The following MTMR10 variants were observed in gnomAD, a reference collection of about 807,000 sequenced individuals.
MTMR10 encodes myotubularin related protein 10, also known as myotubularin-related protein 10.
MTMR10 carries 56 observed loss-of-function variants against 88.1 expected under a neutral mutation model. That is an observed-to-expected ratio of 0.64 (90% CI 0.51 to 0.79). The LOEUF (loss-of-function observed/expected upper bound fraction) is 0.79, where lower values mean the gene tolerates loss of function less well. MTMR10 is among the 30% of genes least tolerant of loss of function. The pLI is 0.00. For missense variants in MTMR10, 883 were observed against 924.7 expected, an observed-to-expected ratio of 0.95 and a Z score of 0.58; for synonymous variants, 380 against 340.9, an observed-to-expected ratio of 1.11 and a Z score of -1.26.
intron 9 of MTMR10, among the ~76,000 whole-genome samples, chr15:30,956,994 A>G (rs1232829793): frequency 2.6e-5 from 4 of 152,144 alleles, no homozygotes; most frequent in Admixed American, 6.5e-5. Context: ...TTTCCAGAAA[A>G]CTGAAGGTCA....
At chr15:30,942,377 C>G in intron 15 of MTMR10, 1 of 390,598 alleles carries the variant, frequency 2.6e-6, no homozygotes, top group Non-Finnish European at 4.6e-6. Context: ...TAGACCTGGC[C>G]GATTCTATCA....
chr15:30,940,351 G>A lies in MTMR10; in HGVS notation c.*1119C>T. The A allele has an allele frequency of 1.0e-6, 1 of 985,400 alleles. No homozygotes were observed. The highest frequency in any genetic ancestry group is 1.7e-5 in the African/African-American group (1 of 57,356). 61.0% of individuals were successfully genotyped at this position (985,400 alleles called of 1,614,324 possible). A position where few individuals can be genotyped will look rare whatever the true frequency, so the allele number is the denominator to read the frequency against. Reference sequence around the variant, plus strand: ...CTCCTCAACTTTGCTGTCCAAAGTTGGGGGCTGGGGGAGCACTTCTGTCGC... The same window carrying A: ...CTCCTCAACTTTGCTGTCCAAAGTTAGGGGCTGGGGGAGCACTTCTGTCGC... On this transcript the variant is annotated 3_prime_UTR_variant, in exon 16 of 16. Transcript: ENST00000435680.
chr15:30,926,064 G>C, the MTMR10 span: 1 of 967,942 alleles, frequency 1.0e-6, no homozygotes, highest in Non-Finnish European at 1.6e-6. Context: ...AGATGCTGTG[G>C]GCTGGGGGAT....
chr15:30,957,990 G>T (rs1016960884), intron 9 of MTMR10, among the ~76,000 whole-genome samples: 2 of 152,186 alleles, frequency 1.3e-5, no homozygotes, highest in Admixed American at 1.3e-4. Flanking sequence ...ATTGGTGATG[G>T]GGAAGGGAAA....
chr15:30,941,718 G>A lies in MTMR10; in HGVS notation c.2086C>T (p.Leu696=). ...ADEVDVLSRM[L]RQQRSGPLEA... is the part of the protein sequence containing the mutation. ...AGGGGGCCACTGCGCTGTTGCCGCAGCATCCTGCTCAGTACGTCGACTTCA... is the reference window on the plus strand; with the variant it reads ...AGGGGGCCACTGCGCTGTTGCCGCAACATCCTGCTCAGTACGTCGACTTCA... Residue 696 remains leucine (L), a synonymous_variant, in exon 16 of 16, where the codon CTG becomes TTG. Transcript: ENST00000435680. 1 of 1,613,908 alleles carries A rather than the reference G, an allele frequency of 6.2e-7. No individual in the cohort carries two copies. The highest frequency in any genetic ancestry group is 8.5e-7 in the Non-Finnish European group (1 of 1,179,852).
downstream of MTMR10, among the ~76,000 whole-genome samples, chr15:30,936,561 A>C (rs754162986): frequency 6.6e-6 from 1 of 152,222 alleles, no homozygotes; most frequent in Admixed American, 6.5e-5. Context: ...TACAGAATAG[A>C]AGAATTTCTG....
chr15:30,945,940 C>T lies in MTMR10; in HGVS notation c.1548+1190G>A, dbSNP rs955736994. On this transcript the variant is annotated intron_variant, in intron 14 of 15. Transcript: ENST00000435680. ...AGTAGCTGGGACCACAGGTGCGCAC[C>T]ACCATGTCTGGCTAATTTTTGTATT... Among the ~76,000 whole-genome samples the T allele has an allele frequency of 3.0e-4, 46 of 152,208 alleles. 1 individual carries two copies. The highest frequency in any genetic ancestry group is 2.9e-3 in the Admixed American group (44 of 15,274).
chr15:30,953,347 C>T (rs1039695996), intron 11 of MTMR10, among the ~76,000 whole-genome samples: 2 of 152,066 alleles, frequency 1.3e-5, no homozygotes, highest in East Asian at 1.9e-4. Context: ...TGCACACAGA[C>T]GACAGCATGT....
chr15:30,952,102 T>C, intron 11 of MTMR10, 64 bp from the exon 12 acceptor site: 1 of 1,342,492 alleles, frequency 7.4e-7, no homozygotes, highest in South Asian at 1.2e-5. Flanking sequence ...CATAAAGTAC[T>C]TGAAATCAAG....
chr15:30,968,910 A>G (rs1350422471), intron 5 of MTMR10, among the ~76,000 whole-genome samples: 3 of 152,168 alleles, frequency 2.0e-5, no homozygotes, highest in African/African-American at 7.2e-5. Context: ...AGTCACTAGA[A>G]TGTGGGAGAA....
intron 14 of MTMR10, chr15:30,946,873 G>A (rs1358757266): frequency 3.3e-6 from 2 of 611,406 alleles, no homozygotes; most frequent in Non-Finnish European, 5.8e-6. Context: ...CATTTAAGGT[G>A]GTTAAAGTAA....
intron 5 of MTMR10, among the ~76,000 whole-genome samples, chr15:30,968,812 A>C (rs1325300961): frequency 1.3e-5 from 2 of 152,146 alleles, no homozygotes; most frequent in African/African-American, 4.8e-5. Flanking sequence ...CCTTTGGAGG[A>C]GCTCCATATA....
chr15:30,937,946 C>G (rs2062909322), downstream of MTMR10, among the ~76,000 whole-genome samples: 1 of 150,868 alleles, frequency 6.6e-6, no homozygotes, highest in African/African-American at 2.4e-5. Context: ...CTTTGGGAGG[C>G]TGAGCGAGGC....
downstream of MTMR10, chr15:30,936,996 T>G (rs1566937074): frequency 2.6e-6 from 2 of 765,558 alleles, no homozygotes; most frequent in Admixed American, 5.1e-5. Context: ...TGTGTTACAC[T>G]TACAAATACA....
chr15:30,946,652 G>T, intron 14 of MTMR10: 1 of 687,684 alleles, frequency 1.5e-6, no homozygotes, highest in South Asian at 1.5e-5. Flanking sequence ...CTTTGGTTCA[G>T]AATGGTTTCA....
In MTMR10 at chr15:30,974,967, C is replaced by A; in HGVS notation, c.295G>T (p.Asp99Tyr). ...HYRNLLLGEH[D>Y]VPLTCIEQIV... Reference sequence around the variant, plus strand: ...TGCTCAATACATGTTAAAGGGACATCGTGTTCACCAAGAAGAAGGTTTCTG... The same window carrying A: ...TGCTCAATACATGTTAAAGGGACATAGTGTTCACCAAGAAGAAGGTTTCTG... The change falls in exon 4 of 16, where the codon GAT becomes TAT. Residue 99 changes from aspartate to tyrosine, a missense_variant. Around this residue, in one of 3 missense-constraint regions of MTMR10, gnomAD observed 414 missense variants for 423.2 expected, o/e 0.98. Transcript: ENST00000435680. 6.3e-7 allele frequency: 1 copy of A among 1,577,950 alleles called. No homozygotes were observed.
chr15:30,955,359 C>A (rs1033810350), intron 9 of MTMR10, among the ~76,000 whole-genome samples: 1 of 152,228 alleles, frequency 6.6e-6, no homozygotes, highest in South Asian at 2.1e-4. Context: ...CAACCTCCCC[C>A]TCCCGGGTTC....
chr15:30,991,405 G>A, intron 1 of MTMR10, 42 bp downstream of exon 1: 1 of 1,443,280 alleles, frequency 6.9e-7, no homozygotes, highest in Non-Finnish European at 9.2e-7. Flanking sequence ...CTCCACGGAA[G>A]CGCAGAGGAG....
downstream of MTMR10, among the ~76,000 whole-genome samples, chr15:30,935,316 AG>A (rs1171408411): frequency 6.6e-5 from 10 of 152,150 alleles, no homozygotes; most frequent in African/African-American, 2.4e-4. Context: ...TCAAAAAAAA[AG>A]AAAAAAAGAA....
Sources: gnomAD v4.1 joint callset for allele counts (sites outside exome capture counted in the v4.1 genomes callset) on GRCh38, gnomAD v4.1.1 for gene constraint, gnomAD v4.1.1 regional missense constraint, MANE v1.5 for transcripts, NCBI Gene and HGNC (gene_info 2026-07-23, HGNC 2026-07-21) for gene names.